PCDHGA4: variants seen among roughly 807,000 people sequenced by gnomAD.
PCDHGA4 encodes protocadherin gamma subfamily A, 4, also known as protocadherin gamma-A4.
Under a neutral mutation model 54.6 loss-of-function variants are expected in PCDHGA4, and 38 were observed. That is an observed-to-expected ratio of 0.70 (90% confidence interval 0.54 to 0.91). The LOEUF (loss-of-function observed/expected upper bound fraction) is 0.91, where lower values mean the gene tolerates loss of function less well. PCDHGA4 is among the 40% of genes least tolerant of loss of function. The pLI, the probability that PCDHGA4 is intolerant of heterozygous loss-of-function variation, is 0.00. For synonymous variants in PCDHGA4, 511 were observed against 512.9 expected, an observed-to-expected ratio of 1.00 and a Z score of 0.05; for missense variants, 1,298 against 1,220.9, an observed-to-expected ratio of 1.06 and a Z score of -0.94.
In PCDHGA4 at chr5:141,440,050, G is replaced by C. The variant is rs747798063; in HGVS notation, c.2515-54757G>C. On this transcript the variant is annotated intron_variant, in intron 1 of 3. Coordinates refer to ENST00000571252, the MANE Select transcript of PCDHGA4 (RefSeq NM_018917.4). ...GTGTCGAGGACATGCCCACTTGAAA[G>C]CTTCGGGTTAATGCTGAGGAATAAT... 6 of 152,826 alleles carry C rather than the reference G, an allele frequency of 3.9e-5. No homozygotes were observed. The East Asian group carries it at 1.2e-3, about 29-fold the overall frequency. 9.5% of individuals were successfully genotyped at this position (152,826 alleles called of 1,614,324 possible). A position where few individuals can be genotyped will look rare whatever the true frequency, so the allele number is the denominator to read the frequency against.
chr5:141,409,941 G>T, intron 1 of PCDHGA4: 1 of 1,613,226 alleles, frequency 6.2e-7, no homozygotes, highest in South Asian at 1.1e-5. Flanking sequence ...ATGGTACCTC[G>T]CTCTGCAGAG....
intron 1 of PCDHGA4, chr5:141,427,227 A>G (rs111948686): frequency 8.8e-6 from 4 of 456,798 alleles, no homozygotes; most frequent in African/African-American, 4.0e-5. Flanking sequence ...CAGTTATACC[A>G]TGAGAGTAGA....
At chr5:141,378,896 TTCTGTTA>T (rs1377436714) in intron 1 of PCDHGA4, 1 of 152,242 alleles carries the variant, frequency 6.6e-6, no homozygotes, top group Non-Finnish European at 1.5e-5. Context: ...AGATAGGAGA[TTCTGTTA>T]TCGACAGTCT....
chr5:141,399,138 T>C (rs757310717), intron 1 of PCDHGA4: 3 of 1,613,774 alleles, frequency 1.9e-6, no homozygotes, highest in Non-Finnish European at 2.5e-6. Context: ...AAGATGAAAA[T>C]GACAATAGCC....
At chr5:141,409,405 C>T in intron 1 of PCDHGA4, 1 of 1,614,050 alleles carries the variant, frequency 6.2e-7, no homozygotes, top group Non-Finnish European at 8.5e-7. Context: ...CCAATAACTA[C>T]TACAAACTGG....
Position 141,356,677 on chromosome 5 carries a change from G to A in PCDHGA4, c.1570G>A (p.Glu524Lys), listed in dbSNP as rs759254327. Reference protein sequence around the residue: ...DNARITYSLAEDTFQGAPLSS... With the variant: ...DNARITYSLAKDTFQGAPLSS... ...TGCCCGAATCACTTACTCCCTGGCCGAAGACACCTTCCAGGGTGCACCTCT... is the reference window on the plus strand; with the variant it reads ...TGCCCGAATCACTTACTCCCTGGCCAAAGACACCTTCCAGGGTGCACCTCT... The change falls in exon 1 of 4, where the codon GAA becomes AAA. Residue 524 changes from glutamate (E) to lysine (K), a missense_variant. By Grantham distance (56) the Glu-to-Lys change is moderately conservative. Transcript: ENST00000571252. 4.8e-5 allele frequency: 78 copies of A among 1,613,980 alleles called. No homozygotes were observed. The highest frequency in any genetic ancestry group is 1.6e-4 in the Middle Eastern group (1 of 6,062).
chr5:141,420,963 A>T, intron 1 of PCDHGA4: 1 of 430,262 alleles, frequency 2.3e-6, no homozygotes, highest in Non-Finnish European at 4.1e-6. Flanking sequence ...TAGTCGTTGC[A>T]ATAATAAGAA....
intron 1 of PCDHGA4, chr5:141,394,811 C>T (rs1225635250): frequency 6.2e-7 from 1 of 1,613,888 alleles, no homozygotes; most frequent in African/African-American, 1.3e-5. Flanking sequence ...CCGTGGCTGA[C>T]AGCATCCCCG....
intron 1 of PCDHGA4, chr5:141,478,044 C>A (rs1302168166): frequency 1.9e-6 from 3 of 1,614,184 alleles, no homozygotes; most frequent in South Asian, 1.1e-5. Flanking sequence ...CCCAGGCAGA[C>A]TCTCACGGTC....
At chr5:141,483,706 C>T (rs1187078630) in intron 1 of PCDHGA4, among the ~76,000 whole-genome samples, 1 of 151,926 alleles carries the variant, frequency 6.6e-6, no homozygotes, top group African/African-American at 2.4e-5. Context: ...CTTTTTGACA[C>T]CAGAATATTG....
At chr5:141,385,006 G>A (rs762264055) in intron 1 of PCDHGA4, 10 of 1,613,972 alleles carry the variant, frequency 6.2e-6, no homozygotes, top group East Asian at 2.2e-5. Context: ...AGTCTCCTGC[G>A]TCTTCCTAGC....
chr5:141,395,400 G>C, intron 1 of PCDHGA4: 1 of 859,976 alleles, frequency 1.2e-6, no homozygotes, highest in Non-Finnish European at 1.7e-6. Context: ...AACTCTAATA[G>C]TCATAGGTTA....
chr5:141,442,227 T>G (rs953690152), intron 1 of PCDHGA4: 16 of 153,240 alleles, frequency 1.0e-4, no homozygotes, highest in African/African-American at 3.6e-4. Context: ...TTAATTTCCT[T>G]TTTATTCTTC....
chr5:141,371,367 G>A (rs778491308), intron 1 of PCDHGA4: 3 of 1,613,892 alleles, frequency 1.9e-6, no homozygotes, highest in Non-Finnish European at 1.7e-6. Flanking sequence ...AAAGGATGGT[G>A]GACATCACAC....
intron 1 of PCDHGA4, among the ~76,000 whole-genome samples, chr5:141,358,422 T>C (rs1760913862): frequency 6.6e-6 from 1 of 152,208 alleles, no homozygotes; most frequent in South Asian, 2.1e-4. Context: ...GAAAGGGTAT[T>C]TTCCATTATA....
rs1760409535 is a variant in PCDHGA4 at position 141,356,960 on chromosome 5, T to C, written c.1853T>C (p.Leu618Pro). 2 of 1,614,210 alleles carry C rather than the reference T, an allele frequency of 1.2e-6. No individual in the cohort carries two copies. The highest frequency in any genetic ancestry group is 8.5e-7 in the Non-Finnish European group (1 of 1,180,034). Residue 618 changes from leucine (L) to proline (P), a missense_variant, in exon 1 of 4, where the codon CTG (leucine) becomes CCG (proline). Coordinates refer to ENST00000571252, the MANE Select transcript of PCDHGA4 (RefSeq NM_018917.4). ...CCCCGCTCCGCAGATTCCGGCTACC[T>C]GGTGACCAAAGTGGTGGCAGTGGAC... ...LAPRSADSGYLVTKVVAVDRD... is the reference protein window; with the variant it reads ...LAPRSADSGYPVTKVVAVDRD...
chr5:141,374,528 T>C (rs759567011), intron 1 of PCDHGA4: 27 of 1,612,930 alleles, frequency 1.7e-5, no homozygotes, highest in Non-Finnish European at 2.1e-5. Context: ...CGCAGCTCCA[T>C]CCTCTCGTTT....
chr5:141,448,421 A>G (rs1380029405), intron 1 of PCDHGA4, among the ~76,000 whole-genome samples: 1 of 152,132 alleles, frequency 6.6e-6, no homozygotes, highest in Non-Finnish European at 1.5e-5. Flanking sequence ...ACAATATACT[A>G]TGTATATATT....
rs143317584 is a variant in PCDHGA4 at position 141,432,282 on chromosome 5, A to G, written c.2515-62525A>G. 5.0e-5 allele frequency: 81 copies of G among 1,613,850 alleles called. No homozygotes were observed. The African/African-American group carries it at 6.4e-4, about 13-fold the overall frequency. ...AGCCTATCGTCCTACGTGTCCATCAACTCCGACACTGGGGTACTGTATGCG... is the reference window on the plus strand; with the variant it reads ...AGCCTATCGTCCTACGTGTCCATCAGCTCCGACACTGGGGTACTGTATGCG... On this transcript the variant is annotated intron_variant, in intron 1 of 3. Transcript: ENST00000571252. This position sits in a 1 kb window ranked among gnomAD's most constrained non-coding sequence, Gnocchi z 6.0.
Sources: gnomAD v4.1 joint callset for allele counts (sites outside exome capture counted in the v4.1 genomes callset) on GRCh38, gnomAD v4.1.1 for gene constraint, Gnocchi (gnomAD v3.1) non-coding constraint, MANE v1.5 for transcripts, NCBI Gene and HGNC (gene_info 2026-07-23, HGNC 2026-07-21) for gene names.